Variants in PDZRN4 observed in about 807,000 individuals in gnomAD.
PDZRN4 encodes PDZ domain containing ring finger 4.
In PDZRN4, 70 loss-of-function variants were observed where a neutral mutation model predicts 99.0. The ratio of observed to expected loss-of-function variants is 0.71; its 90% CI spans 0.58 to 0.86. The LOEUF is 0.86. PDZRN4 is among the 40% of genes least tolerant of loss of function. The pLI, the probability that PDZRN4 is intolerant of heterozygous loss-of-function variation, is 0.00. For synonymous variants in PDZRN4, 551 were observed against 501.6 expected (o/e 1.10, Z -1.32); for missense variants, 1,474 against 1,331.2 (o/e 1.11, Z -1.67).
chr12:41,316,776 A>T (rs1242096385), intron 3 of PDZRN4, among the ~76,000 whole-genome samples: 1 of 151,730 alleles, frequency 6.6e-6, no homozygotes, highest in East Asian at 1.9e-4. Flanking sequence ...CAAATTTGAT[A>T]ATATCATTTT....
chr12:41,434,586 T>C (rs1952612985), intron 3 of PDZRN4, among the ~76,000 whole-genome samples: 1 of 152,190 alleles, frequency 6.6e-6, no homozygotes, highest in Non-Finnish European at 1.5e-5. Flanking sequence ...AAATGTTGGA[T>C]TCCTTCCTTT....
At chr12:41,246,194 T>A (rs1020107372) in intron 3 of PDZRN4, among the ~76,000 whole-genome samples, 4 of 152,228 alleles carry the variant, frequency 2.6e-5, no homozygotes, top group Admixed American at 2.6e-4. Flanking sequence ...TAATATGAGC[T>A]CTGTCTGCAT....
At chr12:41,236,724 A>G (rs1411386144) in intron 3 of PDZRN4, among the ~76,000 whole-genome samples, 1 of 152,124 alleles carries the variant, frequency 6.6e-6, no homozygotes, top group Admixed American at 6.6e-5. Flanking sequence ...CAATATGGCA[A>G]GTGAAACAAT....
intron 3 of PDZRN4, among the ~76,000 whole-genome samples, chr12:41,283,939 A>G (rs1951405667): frequency 6.6e-6 from 1 of 152,222 alleles, no homozygotes; most frequent in Admixed American, 6.5e-5. Context: ...ATTCCCTTTG[A>G]AAACTGGCAC....
chr12:41,307,463 C>T (rs991680293), intron 3 of PDZRN4, among the ~76,000 whole-genome samples: 2 of 152,164 alleles, frequency 1.3e-5, no homozygotes, highest in African/African-American at 4.8e-5. Flanking sequence ...TTCATGGCCT[C>T]ATTGAAACCT....
At chr12:41,245,800 G>A (rs1333320752) in intron 3 of PDZRN4, among the ~76,000 whole-genome samples, 1 of 152,138 alleles carries the variant, frequency 6.6e-6, no homozygotes. Flanking sequence ...ATCAAAGCAA[G>A]AACTCATTAA....
intron 3 of PDZRN4, among the ~76,000 whole-genome samples, chr12:41,331,804 GA>G (rs1018170336): frequency 1.2e-4 from 18 of 152,094 alleles, no homozygotes; most frequent in African/African-American, 3.9e-4. Flanking sequence ...AGCAAAGCAA[GA>G]AAAGCCCCTT....
intron 3 of PDZRN4, among the ~76,000 whole-genome samples, chr12:41,311,574 A>G (rs1951606731): frequency 6.6e-6 from 1 of 152,198 alleles, no homozygotes; most frequent in Admixed American, 6.5e-5. Context: ...GAAATTAGAA[A>G]TTATGTCTTT....
At chr12:41,194,230 G>T (rs753259689) in intron 3 of PDZRN4, 42 bp downstream of exon 3, 1 of 910,294 alleles carries the variant, frequency 1.1e-6, no homozygotes, top group South Asian at 1.4e-5. Context: ...ATGCAAGAAA[G>T]ATTGGGATAT....
chr12:41,541,135 C>T (rs1295447288), intron 5 of PDZRN4, among the ~76,000 whole-genome samples: 1 of 151,890 alleles, frequency 6.6e-6, no homozygotes, highest in Non-Finnish European at 1.5e-5. Context: ...TTTCACCATG[C>T]TAGCCAGGAT....
rs1937891199 is a variant in PDZRN4 at position 41,491,774 on chromosome 12, G to T, written c.844-14682G>T. 2.6e-5 allele frequency among the ~76,000 whole-genome samples: 4 copies of T among 152,052 alleles called. No individual in the cohort carries two copies. In the South Asian group the frequency reaches 8.3e-4, roughly 32 times the overall value. Reference sequence around the variant, plus strand: ...TTATATTATAAACTGATTAAGCATTGAATACATTATCATGTATTAAATAAG... The same window carrying T: ...TTATATTATAAACTGATTAAGCATTTAATACATTATCATGTATTAAATAAG... On this transcript the variant is annotated intron_variant, in intron 3 of 9. Transcript: ENST00000402685.
At chr12:41,336,454 G>A (rs1366054303) in intron 3 of PDZRN4, among the ~76,000 whole-genome samples, 1 of 152,092 alleles carries the variant, frequency 6.6e-6, no homozygotes, top group East Asian at 1.9e-4. Flanking sequence ...ATATAAGGAA[G>A]TGTCAACCTA....
At chr12:41,197,864 G>A (rs1161284946) in intron 3 of PDZRN4, among the ~76,000 whole-genome samples, 5 of 142,666 alleles carry the variant, frequency 3.5e-5, no homozygotes, top group African/African-American at 1.3e-4. Context: ...TTTTAGCATC[G>A]ATTCCTCTAT....
At chr12:41,255,633 G>A (rs1338742271) in intron 3 of PDZRN4, among the ~76,000 whole-genome samples, 1 of 152,078 alleles carries the variant, frequency 6.6e-6, no homozygotes, top group Non-Finnish European at 1.5e-5. Context: ...CAGTTTTTGT[G>A]TTGCTATAAA....
At chr12:41,504,585 G>A (rs760965967) in intron 3 of PDZRN4, among the ~76,000 whole-genome samples, 1 of 152,058 alleles carries the variant, frequency 6.6e-6, no homozygotes, top group Non-Finnish European at 1.5e-5. Flanking sequence ...TTTCGTTCTG[G>A]GATTTCTTAT....
intron 3 of PDZRN4, among the ~76,000 whole-genome samples, chr12:41,455,697 A>G (rs914351128): frequency 1.3e-5 from 2 of 152,210 alleles, no homozygotes; most frequent in Non-Finnish European, 2.9e-5. Context: ...TGTTTCTTCA[A>G]ACCCCTTACT....
chr12:41,206,955 CT>C lies in PDZRN4; in HGVS notation c.843+12770del, dbSNP rs1194088106. ...ACACTGTCTATTTTGCTTCGCAATT[CT>C]TTGTTATAGTGTCACAAAGATTAAT... On this transcript the variant is annotated intron_variant, in intron 3 of 9. Transcript: ENST00000402685. Among the ~76,000 whole-genome samples, 9 of 152,004 alleles carry C rather than the reference CT, an allele frequency of 5.9e-5. No homozygotes were observed. In the East Asian group the frequency reaches 1.8e-3, roughly 30 times the overall value.
At position 41,377,727 on chromosome 12, in the gene PDZRN4, A is replaced by G. The variant is rs1592034633; in HGVS notation, c.844-128729A>G. Among the ~76,000 whole-genome samples the G allele has an allele frequency of 5.3e-5, 8 of 152,176 alleles. 1 individual carries two copies. Among genetic ancestry groups the G allele is most frequent in the Admixed American group, 6.5e-5 (1 of 15,274 alleles). On this transcript the variant is annotated intron_variant, in intron 3 of 9. Coordinates refer to ENST00000402685, the MANE Select transcript of PDZRN4 (RefSeq NM_001164595.2). ...CACCTCTTTGATTACATTTATTCCT[A>G]AGTATTATAGATTTGAGTCTATTGT...
chr12:41,380,823 T>G (rs577350458), intron 3 of PDZRN4, among the ~76,000 whole-genome samples: 1 of 152,256 alleles, frequency 6.6e-6, no homozygotes, highest in Admixed American at 6.5e-5. Context: ...TTATCTGGTG[T>G]TATATATTCA....
Sources: allele counts gnomAD v4.1 joint callset (sites outside exome capture counted in the v4.1 genomes callset), GRCh38; gene constraint gnomAD v4.1.1; transcripts MANE v1.5; gene names NCBI Gene and HGNC (gene_info 2026-07-23, HGNC 2026-07-21).